ZMYM2: variants seen among roughly 807,000 people sequenced by gnomAD.
ZMYM2 encodes the protein zinc finger MYM-type containing 2, also known as zinc finger MYM-type protein 2.
ZMYM2 carries 56 observed loss-of-function variants against 162.8 expected under a neutral mutation model. The ratio of observed to expected loss-of-function variants is 0.34; its 90% CI spans 0.28 to 0.43. The LOEUF (loss-of-function observed/expected upper bound fraction) is 0.43. ZMYM2 is among the 20% of genes least tolerant of loss of function. The pLI is 1.00. For missense variants in ZMYM2, 1,275 were observed against 1,621.8 expected (o/e 0.79, Z 3.67); for synonymous variants, 510 against 541.6 (o/e 0.94, Z 0.81).
the ZMYM2 span, among the ~76,000 whole-genome samples, chr13:19,946,935 C>CTGTCGCCCAGGCTGGAGTGCAGTGG: frequency 6.6e-6 from 1 of 152,112 alleles, no homozygotes; most frequent in African/African-American, 2.4e-5. Context: ...ATCTTCATCT[C>CTGTCGCCCAGGCTGGAGTGCAGTGG]CCTACCTGTT....
At chr13:19,936,127 G>A in the ZMYM2 span, among the ~76,000 whole-genome samples, 1 of 152,124 alleles carries the variant, frequency 6.6e-6, no homozygotes, top group Non-Finnish European at 1.5e-5. Context: ...TCAAAGTTCA[G>A]CATGTAAATG....
chr13:19,875,626 C>CAA, the ZMYM2 span, among the ~76,000 whole-genome samples: 138 of 54,888 alleles, frequency 2.5e-3, 2 homozygotes, highest in South Asian at 0.025. Context: ...GACTCCATCG[C>CAA]AAAAAAAAAA....
At chr13:19,894,656 A>G in the ZMYM2 span, among the ~76,000 whole-genome samples, 3 of 152,154 alleles carry the variant, frequency 2.0e-5, no homozygotes, top group East Asian at 1.9e-4. Context: ...TACTGGATAT[A>G]TAATATAATT....
chr13:20,048,982 A>C (rs1040992966), intron 12 of ZMYM2, among the ~76,000 whole-genome samples: 2 of 151,926 alleles, frequency 1.3e-5, no homozygotes, highest in African/African-American at 4.8e-5. Context: ...TGCGGCTTAG[A>C]GTGGAGTTGT....
At chr13:19,923,937 A>G in the ZMYM2 span, among the ~76,000 whole-genome samples, 5 of 152,060 alleles carry the variant, frequency 3.3e-5, no homozygotes, top group Admixed American at 3.3e-4. Flanking sequence ...TCACAAAGTG[A>G]TGGGATTACA....
chr13:19,919,168 A>G, the ZMYM2 span, among the ~76,000 whole-genome samples: 1 of 150,702 alleles, frequency 6.6e-6, no homozygotes, highest in Non-Finnish European at 1.5e-5. Flanking sequence ...TGCCTTTGCG[A>G]TCCATCCAAG....
At chr13:20,035,774 C>T (rs1437402032) in intron 11 of ZMYM2, among the ~76,000 whole-genome samples, 4 of 152,114 alleles carry the variant, frequency 2.6e-5, no homozygotes, top group Non-Finnish European at 5.9e-5. Context: ...TCTCTTACTG[C>T]ACCTAGTTCT....
At chr13:19,905,716 C>T in the ZMYM2 span, among the ~76,000 whole-genome samples, 1 of 152,194 alleles carries the variant, frequency 6.6e-6, no homozygotes, top group African/African-American at 2.4e-5. Flanking sequence ...TTCTGACCTA[C>T]CTTGCTGTTT....
chr13:20,074,754 G>A (rs549432463), intron 21 of ZMYM2, among the ~76,000 whole-genome samples: 22 of 151,752 alleles, frequency 1.4e-4, no homozygotes, highest in Admixed American at 7.9e-4. Context: ...TAGCCGGGAC[G>A]GTCTCGATCT....
At chr13:19,900,448 T>C in the ZMYM2 span, among the ~76,000 whole-genome samples, 1 of 152,136 alleles carries the variant, frequency 6.6e-6, no homozygotes, top group African/African-American at 2.4e-5. Flanking sequence ...GAATCAGTAA[T>C]TTAAAACTTC....
At chr13:20,054,994 TTG>T (rs1343942705) in intron 14 of ZMYM2, among the ~76,000 whole-genome samples, 2 of 64,232 alleles carry the variant, frequency 3.1e-5, no homozygotes, top group Non-Finnish European at 7.6e-5. Context: ...CCACATGGGG[TTG>T]TTTTTTTTTT....
At chr13:19,984,007 A>G (rs1241003779) in intron 2 of ZMYM2, among the ~76,000 whole-genome samples, 1 of 152,222 alleles carries the variant, frequency 6.6e-6, no homozygotes. Flanking sequence ...ATACTGACTT[A>G]TAATACTCTT....
intron 2 of ZMYM2, among the ~76,000 whole-genome samples, chr13:19,991,112 T>TAC (rs1555289766): frequency 2.0e-5 from 3 of 149,838 alleles, no homozygotes; most frequent in Admixed American, 6.7e-5. Flanking sequence ...TGTGTGTGTG[T>TAC]GTACGTATGT....
At chr13:19,901,252 T>A in the ZMYM2 span, among the ~76,000 whole-genome samples, 1 of 152,208 alleles carries the variant, frequency 6.6e-6, no homozygotes, top group East Asian at 1.9e-4. Flanking sequence ...CATAACACCA[T>A]ATGACCCAGC....
the ZMYM2 span, among the ~76,000 whole-genome samples, chr13:19,905,577 G>GC: frequency 6.6e-6 from 1 of 152,128 alleles, no homozygotes; most frequent in Non-Finnish European, 1.5e-5. Flanking sequence ...CAGCCCTTGT[G>GC]CCCCAGAGAG....
intron 2 of ZMYM2, among the ~76,000 whole-genome samples, chr13:19,981,879 ACT>A (rs1281112719): frequency 1.3e-5 from 2 of 151,576 alleles, no homozygotes; most frequent in African/African-American, 4.9e-5. Context: ...CTGTGTGGAC[ACT>A]CTAAGCCGTT....
chr13:20,034,026 C>T (rs533491858), intron 10 of ZMYM2, among the ~76,000 whole-genome samples: 70 of 152,244 alleles, frequency 4.6e-4, no homozygotes, highest in Non-Finnish European at 8.4e-4. Flanking sequence ...GATACTTTTA[C>T]TTCCATTAAG....
the ZMYM2 span, among the ~76,000 whole-genome samples, chr13:19,891,568 G>A: frequency 3.4e-5 from 5 of 146,024 alleles, no homozygotes; most frequent in African/African-American, 1.3e-4. Flanking sequence ...TTGAGCCCAG[G>A]AGTTTGAGAC....
At chr13:19,980,793 G>C (rs765814186) in intron 2 of ZMYM2, among the ~76,000 whole-genome samples, 9 of 143,368 alleles carry the variant, frequency 6.3e-5, no homozygotes, top group Non-Finnish European at 1.4e-4. Context: ...TCCTGTTCTT[G>C]CTTATTTTTT....
Sources: allele counts gnomAD v4.1 joint callset (sites outside exome capture counted in the v4.1 genomes callset), GRCh38; gene constraint gnomAD v4.1.1; transcripts MANE v1.5; gene names NCBI Gene and HGNC (gene_info 2026-07-23, HGNC 2026-07-21).